PDSS2: variants seen among roughly 807,000 people sequenced by gnomAD.
The protein encoded by PDSS2 is decaprenyl diphosphate synthase subunit 2.
Under a neutral mutation model 44.5 loss-of-function variants are expected in PDSS2, and 31 were observed. The ratio of observed to expected loss-of-function variants is 0.70; its 90% CI spans 0.52 to 0.94. The LOEUF (loss-of-function observed/expected upper bound fraction) is 0.94. PDSS2 is among the 40% of genes least tolerant of loss of function. The pLI is 0.00. For synonymous variants in PDSS2, 157 were observed against 180.3 expected, an observed-to-expected ratio of 0.87 and a Z score of 1.03; for missense variants, 452 against 482.2, an observed-to-expected ratio of 0.94 and a Z score of 0.59.
intron 7 of PDSS2, among the ~76,000 whole-genome samples, chr6:107,171,618 T>C (rs80067301): frequency 0.07 from 10,682 of 151,918 alleles, 404 homozygotes; most frequent in African/African-American, 0.099. Flanking sequence ...TCAAGCAATC[T>C]TCCCACCTTA....
intron 1 of PDSS2, among the ~76,000 whole-genome samples, chr6:107,409,566 T>C (rs1167362477): frequency 6.6e-6 from 1 of 152,218 alleles, no homozygotes; most frequent in African/African-American, 2.4e-5. Context: ...GATCTATTTC[T>C]GGACAAGGAG....
intron 1 of PDSS2, among the ~76,000 whole-genome samples, chr6:107,378,984 C>CACCGT (rs1413254159): frequency 5.9e-5 from 9 of 152,270 alleles, no homozygotes; most frequent in Admixed American, 3.9e-4. Context: ...CAAGTTTCTT[C>CACCGT]ACCGTAAAGT....
chr6:107,250,918 C>T (rs1358094731), intron 3 of PDSS2, among the ~76,000 whole-genome samples: 1 of 151,930 alleles, frequency 6.6e-6, no homozygotes, highest in African/African-American at 2.4e-5. Flanking sequence ...TGCAGTGGCA[C>T]AATCTCAGCT....
intron 7 of PDSS2, among the ~76,000 whole-genome samples, chr6:107,161,089 G>A (rs1040148310): frequency 6.6e-6 from 1 of 151,578 alleles, no homozygotes. Flanking sequence ...TTGTTAGGTT[G>A]ATATCAAACT....
At chr6:107,314,702 T>C (rs1251027715) in intron 2 of PDSS2, among the ~76,000 whole-genome samples, 3 of 152,212 alleles carry the variant, frequency 2.0e-5, no homozygotes, top group Non-Finnish European at 4.4e-5. Context: ...ACAAGCACAG[T>C]CAAATTAGTA....
chr6:107,367,729 T>C lies in PDSS2; in HGVS notation c.297-33397A>G, dbSNP rs904152241. Among the ~76,000 whole-genome samples the C allele has an allele frequency of 4.1e-5, 6 of 144,716 alleles. No individual in the cohort carries two copies. The Admixed American group carries it at 4.3e-4, about 10-fold the overall frequency. The allele number at this position is 144,716 out of a possible 152,430, so 94.9% of individuals were successfully genotyped here. On this transcript the variant is annotated intron_variant, in intron 1 of 7. Coordinates refer to ENST00000369037, the MANE Select transcript of PDSS2 (RefSeq NM_020381.4). ...TGAACCCGGGAGGCGGAGGTTGCAG[T>C]GAGCTGGAGGTTGCAGTGAGCTGAG...
chr6:107,157,070 C>T (rs987756219), intron 7 of PDSS2, among the ~76,000 whole-genome samples: 1 of 152,196 alleles, frequency 6.6e-6, no homozygotes, highest in Non-Finnish European at 1.5e-5. Flanking sequence ...GACAATCTTG[C>T]TTAAACCCTT....
At chr6:107,208,283 G>GC (rs1270029808) in intron 6 of PDSS2, among the ~76,000 whole-genome samples, 1 of 102,670 alleles carries the variant, frequency 9.7e-6, no homozygotes, top group East Asian at 2.9e-4. Flanking sequence ...ACCATGCCTG[G>GC]CCTTTTTTTT....
chr6:107,155,285 A>G (rs782338243), intron 7 of PDSS2, among the ~76,000 whole-genome samples: 4 of 151,968 alleles, frequency 2.6e-5, no homozygotes, highest in Non-Finnish European at 5.9e-5. Flanking sequence ...AGCTGGGACT[A>G]CAGGCATGCG....
chr6:107,197,905 G>C, intron 6 of PDSS2: 1 of 459,838 alleles, frequency 2.2e-6, no homozygotes. Flanking sequence ...AAGACTGAAA[G>C]GCAAACCATG....
chr6:107,355,128 T>A (rs1411268331), intron 1 of PDSS2, among the ~76,000 whole-genome samples: 6 of 152,160 alleles, frequency 3.9e-5, no homozygotes, highest in African/African-American at 1.4e-4. Context: ...AGACAGGGTT[T>A]CACCATGGTC....
chr6:107,334,049 T>C (rs1777795423), intron 2 of PDSS2, 149 bp downstream of exon 2: 1 of 742,310 alleles, frequency 1.3e-6, no homozygotes, highest in East Asian at 2.7e-5. Context: ...CTATCACTTA[T>C]TATGAACAAT....
chr6:107,399,535 T>C (rs986634239), intron 1 of PDSS2, among the ~76,000 whole-genome samples: 1 of 152,238 alleles, frequency 6.6e-6, no homozygotes, highest in Non-Finnish European at 1.5e-5. Context: ...GATACATTTA[T>C]GTCTATACCA....
At position 107,396,218 on chromosome 6, in the gene PDSS2, C is replaced by CT. The variant is rs999055344; in HGVS notation, c.297-61887dup. On this transcript the variant is annotated intron_variant, in intron 1 of 7. Coordinates refer to ENST00000369037, the MANE Select transcript of PDSS2 (RefSeq NM_020381.4). ...GGACTCCTAAACAGATTATCTAGAA[C>CT]TTTTTTTTTCCATAGCTCCCTCCTG... Among the ~76,000 whole-genome samples the CT allele has an allele frequency of 7.2e-5, 11 of 151,868 alleles. 1 individual carries two copies. The East Asian group carries it at 7.7e-4, about 11-fold the overall frequency.
chr6:107,345,885 C>T (rs1778231178), intron 1 of PDSS2, among the ~76,000 whole-genome samples: 1 of 152,146 alleles, frequency 6.6e-6, no homozygotes, highest in African/African-American at 2.4e-5. Context: ...GCGGGACACA[C>T]ATTTCATGTA....
At chr6:107,209,582 T>A (rs1014538469) in intron 6 of PDSS2, among the ~76,000 whole-genome samples, 17 of 142,124 alleles carry the variant, frequency 1.2e-4, no homozygotes, top group African/African-American at 3.0e-4. Flanking sequence ...TTTTTTTTTT[T>A]AAATTTCAAA....
At chr6:107,339,702 A>G (rs1285038707) in intron 1 of PDSS2, among the ~76,000 whole-genome samples, 2 of 152,114 alleles carry the variant, frequency 1.3e-5, no homozygotes, top group Non-Finnish European at 2.9e-5. Flanking sequence ...TCCAAAGGAA[A>G]AAAAGGGGGA....
At chr6:107,405,846 C>CA (rs1301868631) in intron 1 of PDSS2, among the ~76,000 whole-genome samples, 1,384 of 55,818 alleles carry the variant, frequency 0.025, 25 homozygotes, top group African/African-American at 0.05. Flanking sequence ...GACTCCGTCT[C>CA]AAAAAAAAAA....
At chr6:107,417,778 TACACAC>T (rs59602150) in intron 1 of PDSS2, among the ~76,000 whole-genome samples, 32,691 of 146,846 alleles carry the variant, frequency 0.22, 4,174 homozygotes, top group Admixed American at 0.3. Context: ...TTAATAATAA[TACACAC>T]ACACACACAC....
Sources: gnomAD v4.1 joint callset for allele counts (sites outside exome capture counted in the v4.1 genomes callset) on GRCh38, gnomAD v4.1.1 for gene constraint, MANE v1.5 for transcripts, NCBI Gene and HGNC (gene_info 2026-07-23, HGNC 2026-07-21) for gene names.